Variants in MICB observed in about 807,000 individuals in gnomAD.
MICB encodes MHC class I polypeptide-related sequence B.
Under a neutral mutation model 34.3 loss-of-function variants are expected in MICB, and 27 were observed. That is an observed-to-expected ratio of 0.79 (90% confidence interval 0.58 to 1.08). The LOEUF (loss-of-function observed/expected upper bound fraction) is 1.08. Ranked by LOEUF, MICB falls within the 50% of genes least tolerant of loss-of-function variation. The pLI, the probability that MICB is intolerant of heterozygous loss-of-function variation, is 0.00. For synonymous variants in MICB, 153 were observed against 187.4 expected, an observed-to-expected ratio of 0.82 and a Z score of 1.50; for missense variants, 426 against 483.1, an observed-to-expected ratio of 0.88 and a Z score of 1.11.
rs1475053378 is a variant in MICB, at chr6:31,506,179, T to C, written c.362T>C (p.Ile121Thr). The C allele has an allele frequency of 1.2e-6, 2 of 1,614,000 alleles. No individual in the cohort carries two copies. The highest frequency in any genetic ancestry group is 2.2e-5 in the South Asian group (2 of 91,072). ...HSLQEIRVCE[I>T]HEDSSTRGSR... ...CTCCAGGAGATTAGGGTCTGTGAGA[T>C]CCATGAAGACAGCAGCACCAGGGGC... Residue 121 changes from isoleucine to threonine, a missense_variant, in exon 3 of 6, where the codon ATC becomes ACC. Coordinates refer to ENST00000252229, the MANE Select transcript of MICB (RefSeq NM_005931.5).
rs1333137424 is a variant in MICB at position 31,509,873 on chromosome 6, A to G, written c.1116A>G (p.Ser372=). The change falls in exon 6 of 6, where the codon TCA becomes TCG. Residue 372 remains serine (S), a synonymous_variant. Transcript: ENST00000252229. ...AAQLGFQPLM[S]ATGSTGSTEG... is the part of the protein sequence containing the mutation. ...AGCTGGGATTTCAGCCTCTGATGTC[A>G]GCTACTGGGTCCACTGGTTCCACTG... 6.2e-7 allele frequency: 1 copy of G among 1,613,652 alleles called. No homozygotes were observed. Among genetic ancestry groups the G allele is most frequent in the Non-Finnish European group, 8.5e-7 (1 of 1,179,714 alleles).
In MICB at chr6:31,505,648, G is replaced by A; in HGVS notation, c.102G>A (p.Val34=). The change falls in exon 2 of 6, where the codon GTG becomes GTA. Residue 34 remains valine, a synonymous_variant. Transcript: ENST00000252229. ...EPHSLRYNLM[V]LSQDGSVQSG... is the part of the protein sequence containing the mutation. ...ACAGTCTTCGTTACAACCTCATGGTGCTGTCCCAGGATGGATCTGTGCAGT... is the reference window on the plus strand; with the variant it reads ...ACAGTCTTCGTTACAACCTCATGGTACTGTCCCAGGATGGATCTGTGCAGT... 3 of 1,612,818 alleles carry A rather than the reference G, an allele frequency of 1.9e-6. No individual in the cohort carries two copies. The highest frequency in any genetic ancestry group is 2.5e-6 in the Non-Finnish European group (3 of 1,179,922).
At position 31,507,022 on chromosome 6, in the gene MICB, T is replaced by C; in HGVS notation, c.614T>C (p.Val205Ala). ...LKSGVAIRRT[V>A]PPMVNVTCSE... ...ACTGGCTCTGCCCTTTCTTCTCCAG[T>C]GCCCCCCATGGTGAATGTCACCTGC... The change falls in exon 4 of 6, where the codon GTG becomes GCG. Residue 205 changes from valine to alanine, a missense_variant and splice_region_variant. By Grantham distance (64) the Val-to-Ala change is moderately conservative (BLOSUM62 0). Coordinates refer to ENST00000252229, the MANE Select transcript of MICB (RefSeq NM_005931.5). This position sits in a 1 kb window ranked among gnomAD's most constrained non-coding sequence, Gnocchi z 6.0. 6.2e-7 allele frequency: 1 copy of C among 1,612,394 alleles called. No homozygotes were observed. The highest frequency in any genetic ancestry group is 1.1e-5 in the South Asian group (1 of 90,850).
intron 1 of MICB, among the ~76,000 whole-genome samples, chr6:31,501,547 A>G (rs533727295): frequency 2.0e-5 from 3 of 152,216 alleles, no homozygotes; most frequent in South Asian, 2.1e-4. Context: ...GTTTTCTTTC[A>G]TAGTTTTCAT....
chr6:31,500,321 C>T (rs1764951456), intron 1 of MICB, among the ~76,000 whole-genome samples: 1 of 151,684 alleles, frequency 6.6e-6, no homozygotes, highest in Non-Finnish European at 1.5e-5. Flanking sequence ...TGTTTGGGTA[C>T]GTAGTAGATA....
rs1329562355 is a variant in MICB, at chr6:31,505,682, CTCGCTGAGGGACATCTGGATGG to C, written c.139_160del (p.Ala47SerfsTer36). On this transcript the variant is annotated frameshift_variant, in exon 2 of 6. Coordinates refer to ENST00000252229, the MANE Select transcript of MICB (RefSeq NM_005931.5). LOFTEE classifies it high-confidence loss of function. ...GGATGGATCTGTGCAGTCAGGGTTTCTCGCTGAGGGACATCTGGATGGTCAGCCCTTCCTGCGCTATGACAGG... is the reference window on the plus strand; with the variant it reads ...GGATGGATCTGTGCAGTCAGGGTTTCTCAGCCCTTCCTGCGCTATGACAGG... 6.2e-7 allele frequency: 1 copy of C among 1,612,902 alleles called. No individual in the cohort carries two copies. Among genetic ancestry groups the C allele is most frequent in the East Asian group, 2.2e-5 (1 of 44,896 alleles).
Position 31,498,259 on chromosome 6 carries a change from C to A in MICB, c.66C>A (p.Ala22=). ...VAFPFAPPAA[A]AEPHSLRYNL... ...TCCCTTTTGCACCCCCGGCAGCCGC[C>A]GCTGGTGAGTGGGGTTCCTGGCGGT... The change falls in exon 1 of 6, where the codon GCC becomes GCA. Residue 22 remains alanine (A), a synonymous_variant. Coordinates refer to ENST00000252229, the MANE Select transcript of MICB (RefSeq NM_005931.5). 2 of 1,569,532 alleles carry A rather than the reference C, an allele frequency of 1.3e-6. No individual in the cohort carries two copies. The highest frequency in any genetic ancestry group is 1.1e-5 in the South Asian group (1 of 88,420).
At chr6:31,501,745 T>C (rs1765028642) in intron 1 of MICB, among the ~76,000 whole-genome samples, 3 of 152,224 alleles carry the variant, frequency 2.0e-5, no homozygotes, top group Admixed American at 6.5e-5. Context: ...TCACTGTAGA[T>C]ATATGGATTT....
chr6:31,502,233 A>G (rs1322583583), intron 1 of MICB, among the ~76,000 whole-genome samples: 1 of 152,166 alleles, frequency 6.6e-6, no homozygotes, highest in Non-Finnish European at 1.5e-5. Flanking sequence ...TACTCAGGAA[A>G]GCTGAGGCAG....
Position 31,507,670 on chromosome 6 carries a change from AATGGGAG to A in MICB, c.1024+140_1024+146del. On this transcript the variant is annotated intron_variant, in intron 5 of 5. Transcript: ENST00000252229. This position sits in a 1 kb window ranked among gnomAD's most constrained non-coding sequence, Gnocchi z 6.0. ...TGGAAGCTGGGGTATTTGGGAGGGG[AATGGGAG>A]CTGCATCTCCATCTACACCCATAAG... 1.0e-6 allele frequency: 1 copy of A among 1,003,810 alleles called. No individual in the cohort carries two copies. Among genetic ancestry groups the A allele is most frequent in the Non-Finnish European group, 1.4e-6 (1 of 691,906 alleles). The allele number at this position is 1,003,810 out of a possible 1,614,324, so 62.2% of individuals were successfully genotyped here.
At chr6:31,501,371 C>T (rs1765011020) in intron 1 of MICB, among the ~76,000 whole-genome samples, 2 of 151,976 alleles carry the variant, frequency 1.3e-5, no homozygotes. Context: ...ATATTTTCTC[C>T]CATTCTTGGA....
chr6:31,503,983 G>C (rs1246165237), intron 1 of MICB, among the ~76,000 whole-genome samples: 1 of 140,962 alleles, frequency 7.1e-6, no homozygotes, highest in Non-Finnish European at 1.6e-5. Flanking sequence ...GTGTGTGTGT[G>C]TGTGATAATA....
At position 31,510,850 on chromosome 6, in the gene MICB, TTATTA is replaced by T. The variant is rs1169712049; in HGVS notation, c.*946_*950del. 6.6e-6 allele frequency: 1 copy of T among 152,162 alleles called. No homozygotes were observed. The highest frequency in any genetic ancestry group is 2.4e-5 in the African/African-American group (1 of 41,426). The allele number at this position is 152,162 out of a possible 1,614,324, so 9.4% of individuals were successfully genotyped here. ...AATGAGCCACCGTGCCTGGCCTATT[TTATTA>T]TATTGTAATATATTTTATTATATTA... On this transcript the variant is annotated 3_prime_UTR_variant, in exon 6 of 6. Transcript: ENST00000252229.
chr6:31,508,749 G>A (rs1765499784), intron 5 of MICB, among the ~76,000 whole-genome samples: 1 of 152,216 alleles, frequency 6.6e-6, no homozygotes, highest in African/African-American at 2.4e-5. Context: ...CAAAATTCCT[G>A]CTTTCAATGT....
At chr6:31,503,952 TG>T (rs879865143) in intron 1 of MICB, among the ~76,000 whole-genome samples, 50,978 of 134,856 alleles carry the variant, frequency 0.38, 8,984 homozygotes, top group East Asian at 0.48. Flanking sequence ...AAACTTGCTG[TG>T]TGTGTGTGTG....
chr6:31,506,012 G>A, intron 2 of MICB, 131 bp from the exon 3 acceptor site: 3 of 1,478,270 alleles, frequency 2.0e-6, no homozygotes, highest in Non-Finnish European at 2.7e-6. Flanking sequence ...GCAGGGTGGT[G>A]AGCCGGAACT....
chr6:31,504,449 T>C (rs1379845022), intron 1 of MICB, among the ~76,000 whole-genome samples: 4 of 150,540 alleles, frequency 2.7e-5, no homozygotes, highest in Non-Finnish European at 5.9e-5. Context: ...TTAGTAGAGA[T>C]AGGGTTTCAC....
intron 1 of MICB, among the ~76,000 whole-genome samples, chr6:31,503,444 C>T (rs555123885): frequency 2.6e-5 from 4 of 152,290 alleles, no homozygotes; most frequent in African/African-American, 4.8e-5. Context: ...ACCCATTAAT[C>T]AGTAACTCCC....
In MICB at chr6:31,507,141, T is replaced by A. The variant is rs935099498; in HGVS notation, c.733T>A (p.Ser245Thr). The change falls in exon 4 of 6, where the codon TCT becomes ACT. Residue 245 changes from serine to threonine, a missense_variant. Transcript: ENST00000252229. This position sits in a 1 kb window ranked among gnomAD's most constrained non-coding sequence, Gnocchi z 6.0. ...ACTGACCTGGCGTCAGGATGGGGTA[T>A]CTTTGAGCCACAACACCCAGCAGTG... The part of the protein sequence containing the change: ...ITLTWRQDGV[S>T]LSHNTQQWGD... 26 of 1,613,956 alleles carry A rather than the reference T, an allele frequency of 1.6e-5. No individual in the cohort carries two copies. The African/African-American group carries it at 3.2e-4, about 20-fold the overall frequency.
Sources: gnomAD v4.1 joint callset for allele counts (sites outside exome capture counted in the v4.1 genomes callset) on GRCh38, gnomAD v4.1.1 for gene constraint, Gnocchi (gnomAD v3.1) non-coding constraint, MANE v1.5 for transcripts, NCBI Gene and HGNC (gene_info 2026-07-23, HGNC 2026-07-21) for gene names.